PDE11A: variants seen among roughly 807,000 people sequenced by gnomAD.
The protein encoded by PDE11A is dual 3',5'-cyclic-AMP and -GMP phosphodiesterase 11A.
A neutral mutation model predicts 100.5 loss-of-function variants in PDE11A; 100 were observed. The observed-to-expected ratio is 1.00, with a 90% confidence interval of 0.85 to 1.18. The LOEUF is 1.18. Ranked by LOEUF, PDE11A falls within the 50% of genes most tolerant of loss-of-function variation. PDE11A has a pLI of 0.00. For missense variants in PDE11A, 1,141 were observed against 1,152.6 expected, an observed-to-expected ratio of 0.99 and a Z score of 0.15; for synonymous variants, 381 against 420.8, an observed-to-expected ratio of 0.91 and a Z score of 1.16.
chr2:178,094,404 C>T (rs768573453), intron 2 of PDE11A, among the ~76,000 whole-genome samples: 6 of 152,024 alleles, frequency 3.9e-5, no homozygotes, highest in African/African-American at 9.7e-5. Flanking sequence ...TGGTGGTGCA[C>T]TTCCGGGGTC....
At chr2:177,846,899 T>G (rs1456252972) in intron 5 of PDE11A, among the ~76,000 whole-genome samples, 4 of 152,234 alleles carry the variant, frequency 2.6e-5, no homozygotes, top group Admixed American at 2.6e-4. Context: ...TTACATTATA[T>G]TTTGTGGCAG....
intron 1 of PDE11A, among the ~76,000 whole-genome samples, chr2:178,031,156 C>T (rs982362184): frequency 1.3e-5 from 2 of 152,112 alleles, no homozygotes. Context: ...GCAACAACCT[C>T]CTTAGCAAAC....
chr2:178,051,311 G>A (rs2086823838), intron 1 of PDE11A, among the ~76,000 whole-genome samples: 1 of 152,206 alleles, frequency 6.6e-6, no homozygotes, highest in African/African-American at 2.4e-5. Context: ...AATGCTGAGA[G>A]ATTTTGTCAA....
At chr2:177,776,191 G>C (rs1178284790) in intron 9 of PDE11A, among the ~76,000 whole-genome samples, 3 of 151,796 alleles carry the variant, frequency 2.0e-5, no homozygotes, top group African/African-American at 7.3e-5. Flanking sequence ...TAAAAATAGA[G>C]GACACCCACA....
chr2:178,084,070 T>A (rs918124437), intron 2 of PDE11A, among the ~76,000 whole-genome samples: 1 of 152,206 alleles, frequency 6.6e-6, no homozygotes, highest in African/African-American at 2.4e-5. Flanking sequence ...AAGTGAGCCA[T>A]TCTACAAGAT....
chr2:177,741,388 C>A (rs904802648), intron 10 of PDE11A, among the ~76,000 whole-genome samples: 5 of 152,162 alleles, frequency 3.3e-5, no homozygotes, highest in African/African-American at 1.2e-4. Flanking sequence ...TCTTTAAAAC[C>A]CCTATCTCCA....
chr2:178,085,750 C>T (rs2087343423), intron 2 of PDE11A, among the ~76,000 whole-genome samples: 1 of 152,150 alleles, frequency 6.6e-6, no homozygotes, highest in Non-Finnish European at 1.5e-5. Flanking sequence ...AAATCTGCAA[C>T]TATTTCTCAT....
intron 10 of PDE11A, among the ~76,000 whole-genome samples, chr2:177,766,826 G>A (rs1364051163): frequency 1.3e-5 from 2 of 152,064 alleles, no homozygotes; most frequent in African/African-American, 4.8e-5. Context: ...ATTGTAATAG[G>A]ATACTAGCTA....
At chr2:177,946,441 C>A (rs1574299462) in intron 2 of PDE11A, among the ~76,000 whole-genome samples, 1 of 52,206 alleles carries the variant, frequency 1.9e-5, no homozygotes. Flanking sequence ...CCAGCCGCCC[C>A]GTCCGGGAGG....
At chr2:177,633,884 A>T (rs2079992764) in intron 19 of PDE11A, among the ~76,000 whole-genome samples, 1 of 152,162 alleles carries the variant, frequency 6.6e-6, no homozygotes, top group South Asian at 2.1e-4. Flanking sequence ...TTTTAATCCC[A>T]GGAGCATAAA....
intron 2 of PDE11A, among the ~76,000 whole-genome samples, chr2:177,916,885 C>A (rs1273385751): frequency 6.6e-6 from 1 of 150,726 alleles, no homozygotes. Context: ...CTCAGCCTCC[C>A]GAGTAGCTGG....
intron 2 of PDE11A, among the ~76,000 whole-genome samples, chr2:177,970,269 A>T (rs763762162): frequency 6.6e-6 from 1 of 152,190 alleles, no homozygotes; most frequent in Non-Finnish European, 1.5e-5. Context: ...CGTTTACATT[A>T]GGACTGTAAA....
In PDE11A at chr2:177,744,932, G is replaced by T. The variant is rs146231016; in HGVS notation, c.1789-16760C>A. Reference sequence around the variant, plus strand: ...GGGCTTCTACTTCAGCCTGAATCCTGGATGAAGGAGCAACAGAGCCACAGC... The same window carrying T: ...GGGCTTCTACTTCAGCCTGAATCCTTGATGAAGGAGCAACAGAGCCACAGC... On this transcript the variant is annotated intron_variant, in intron 10 of 19. Coordinates refer to ENST00000286063, the MANE Select transcript of PDE11A (RefSeq NM_016953.4). Among the ~76,000 whole-genome samples, 493 of 152,316 alleles carry T rather than the reference G, an allele frequency of 3.2e-3. 5 individuals carry two copies. The East Asian group carries it at 0.048, about 15-fold the overall frequency.
At chr2:178,001,460 G>A (rs1254443909) in intron 2 of PDE11A, among the ~76,000 whole-genome samples, 1 of 152,134 alleles carries the variant, frequency 6.6e-6, no homozygotes, top group Non-Finnish European at 1.5e-5. Context: ...GCTTTGCAAT[G>A]TTAGAAATGG....
At chr2:178,024,625 T>G (rs1222263795) in intron 1 of PDE11A, among the ~76,000 whole-genome samples, 1 of 152,194 alleles carries the variant, frequency 6.6e-6, no homozygotes, top group East Asian at 1.9e-4. Context: ...AGTCTCATAT[T>G]TCATCTACAT....
At chr2:177,771,172 A>G (rs115746375) in intron 9 of PDE11A, among the ~76,000 whole-genome samples, 8 of 152,348 alleles carry the variant, frequency 5.3e-5, no homozygotes, top group Non-Finnish European at 1.0e-4. Context: ...AAGTCTGGGA[A>G]ATGCTAACTC....
chr2:177,897,974 C>T (rs1056786222), intron 4 of PDE11A, 84 bp downstream of exon 4: 15 of 1,187,102 alleles, frequency 1.3e-5, no homozygotes, highest in Admixed American at 1.7e-5. Flanking sequence ...AATCAAGTCA[C>T]AATTTCACAA....
At chr2:178,057,374 AGGGGAAAGCAG>A (rs1212256442) in intron 1 of PDE11A, among the ~76,000 whole-genome samples, 1 of 152,166 alleles carries the variant, frequency 6.6e-6, no homozygotes, top group East Asian at 1.9e-4. Flanking sequence ...TTGGTTCTTC[AGGGGAAAGCAG>A]AAGTGGTGGT....
chr2:177,704,577 A>T (rs73028307), intron 13 of PDE11A, among the ~76,000 whole-genome samples: 1,767 of 152,264 alleles, frequency 0.012, 34 homozygotes, highest in African/African-American at 0.04. Context: ...AGTGGCAAAA[A>T]AAATAAATAA....
Sources: gnomAD v4.1 joint callset for allele counts (sites outside exome capture counted in the v4.1 genomes callset) on GRCh38, gnomAD v4.1.1 for gene constraint, MANE v1.5 for transcripts, NCBI Gene and HGNC (gene_info 2026-07-23, HGNC 2026-07-21) for gene names.